The following TMEM132D variants were observed in gnomAD, a reference collection of about 807,000 sequenced individuals.
TMEM132D encodes the protein mature OL transmembrane protein.
Under a neutral mutation model 62.3 loss-of-function variants are expected in TMEM132D, and 21 were observed. The observed-to-expected ratio is 0.34, with a 90% CI of 0.24 to 0.49. TMEM132D has a LOEUF of 0.49. Among genes scored for constraint, TMEM132D ranks in the 20% least tolerant of loss-of-function variants. TMEM132D has a pLI of 0.99. For synonymous variants in TMEM132D, 621 were observed against 575.6 expected (o/e 1.08, Z -1.13); for missense variants, 1,346 against 1,402.8 (o/e 0.96, Z 0.65).
chr12:129,421,337 A>T (rs1313162490), intron 3 of TMEM132D, among the ~76,000 whole-genome samples: 1 of 152,210 alleles, frequency 6.6e-6, no homozygotes, highest in Non-Finnish European at 1.5e-5. Context: ...CCATTAAAAT[A>T]ACCAAAGGTT....
At chr12:129,200,654 C>A (rs757417651) in intron 5 of TMEM132D, among the ~76,000 whole-genome samples, 7 of 152,154 alleles carry the variant, frequency 4.6e-5, no homozygotes, top group Admixed American at 3.9e-4. Context: ...GGGGGCTGTC[C>A]CTGTGGCTGC....
At position 129,372,473 on chromosome 12, in the gene TMEM132D, A is replaced by G. The variant is rs115550941; in HGVS notation, c.1116-34656T>C. Among the ~76,000 whole-genome samples the G allele has an allele frequency of 7.3e-4, 111 of 152,296 alleles. 1 individual carries two copies. Among genetic ancestry groups the G allele is most frequent in the African/African-American group, 2.6e-3 (110 of 41,566 alleles). Reference sequence around the variant, plus strand: ...GATCAGCAGTGGCATTAGAGGCCACATGGTAGGAGGTGAGTAGTGGGCTAG... The same window carrying G: ...GATCAGCAGTGGCATTAGAGGCCACGTGGTAGGAGGTGAGTAGTGGGCTAG... On this transcript the variant is annotated intron_variant, in intron 3 of 8. Transcript: ENST00000422113.
chr12:129,792,922 A>G (rs1871443214), intron 1 of TMEM132D, among the ~76,000 whole-genome samples: 1 of 152,138 alleles, frequency 6.6e-6, no homozygotes, highest in Admixed American at 6.5e-5. Context: ...TAATCCTACT[A>G]CCAGGAGGGA....
intron 2 of TMEM132D, among the ~76,000 whole-genome samples, chr12:129,645,712 G>A (rs574024447): frequency 6.6e-6 from 1 of 152,274 alleles, no homozygotes; most frequent in African/African-American, 2.4e-5. Context: ...AGACCCCATT[G>A]ATAAAAGAGG....
At chr12:129,739,143 C>T (rs934241758) in intron 1 of TMEM132D, among the ~76,000 whole-genome samples, 4 of 152,144 alleles carry the variant, frequency 2.6e-5, no homozygotes, top group African/African-American at 7.2e-5. Context: ...CACTCTTAGG[C>T]GGTATAGTGA....
chr12:129,780,019 A>G (rs1565982923), intron 1 of TMEM132D, among the ~76,000 whole-genome samples: 1 of 151,264 alleles, frequency 6.6e-6, no homozygotes, highest in Non-Finnish European at 1.5e-5. Context: ...CCCAGGTTTC[A>G]CAGTTAGGAG....
chr12:129,077,494 C>G (rs571384231), intron 8 of TMEM132D, among the ~76,000 whole-genome samples: 84 of 152,060 alleles, frequency 5.5e-4, no homozygotes, highest in Middle Eastern at 3.4e-3. Flanking sequence ...ATTCAAAGGT[C>G]CCCTATAACA....
chr12:129,202,700 A>C (rs935499511), intron 5 of TMEM132D, among the ~76,000 whole-genome samples: 2 of 151,984 alleles, frequency 1.3e-5, no homozygotes, highest in East Asian at 1.9e-4. Flanking sequence ...ACTCCTGGAG[A>C]CTGGAGATGT....
chr12:129,185,769 G>GTCTATCTA (rs1271637169), intron 5 of TMEM132D, among the ~76,000 whole-genome samples: 4 of 103,166 alleles, frequency 3.9e-5, no homozygotes, highest in Admixed American at 1.0e-4. Context: ...TCATCTGTCT[G>GTCTATCTA]TCTGTCTATC....
chr12:129,901,115 A>G (rs930625104), intron 1 of TMEM132D, among the ~76,000 whole-genome samples: 1 of 152,204 alleles, frequency 6.6e-6, no homozygotes, highest in Non-Finnish European at 1.5e-5. Context: ...TTAATACTTG[A>G]TAATATTCTT....
At chr12:129,748,800 T>C (rs1317252071) in intron 1 of TMEM132D, among the ~76,000 whole-genome samples, 1 of 152,206 alleles carries the variant, frequency 6.6e-6, no homozygotes, top group Non-Finnish European at 1.5e-5. Flanking sequence ...AATAGGTGTT[T>C]ATCCAAGAAA....
intron 1 of TMEM132D, among the ~76,000 whole-genome samples, chr12:129,740,375 T>C (rs1025577365): frequency 2.0e-5 from 3 of 152,216 alleles, no homozygotes; most frequent in Non-Finnish European, 4.4e-5. Flanking sequence ...TAGTAGTTAT[T>C]ATGGCCCAGG....
chr12:129,462,662 C>T (rs1278114115), intron 3 of TMEM132D, among the ~76,000 whole-genome samples: 3 of 151,948 alleles, frequency 2.0e-5, no homozygotes, highest in African/African-American at 7.3e-5. Flanking sequence ...CTAAATATTC[C>T]TCTTTGTTAT....
At chr12:129,272,570 GTGT>G (rs961266939) in intron 4 of TMEM132D, among the ~76,000 whole-genome samples, 2 of 151,778 alleles carry the variant, frequency 1.3e-5, no homozygotes, top group African/African-American at 4.9e-5. Context: ...TTTTTTATAT[GTGT>G]TGGCTGCACG....
intron 4 of TMEM132D, among the ~76,000 whole-genome samples, chr12:129,285,526 C>CAAAA (rs1555244565): frequency 9.8e-5 from 4 of 40,960 alleles, no homozygotes; most frequent in Non-Finnish European, 9.2e-5. Flanking sequence ...GACTGTGTCT[C>CAAAA]AAAAAAAAAA....
At chr12:129,373,876 C>T (rs560002076) in intron 3 of TMEM132D, among the ~76,000 whole-genome samples, 3 of 152,212 alleles carry the variant, frequency 2.0e-5, no homozygotes, top group African/African-American at 7.2e-5. Context: ...GATTATCATT[C>T]GATTTCCCAT....
intron 3 of TMEM132D, among the ~76,000 whole-genome samples, chr12:129,473,836 T>C (rs1874178410): frequency 6.6e-6 from 1 of 152,216 alleles, no homozygotes; most frequent in South Asian, 2.1e-4. Flanking sequence ...GATCTTTATT[T>C]ATTCACATGC....
intron 1 of TMEM132D, among the ~76,000 whole-genome samples, chr12:129,814,155 G>C (rs1266001229): frequency 7.9e-5 from 12 of 152,100 alleles, no homozygotes; most frequent in Admixed American, 7.9e-4. Flanking sequence ...TAAAAGAGTG[G>C]ATGTCACGGA....
intron 4 of TMEM132D, among the ~76,000 whole-genome samples, chr12:129,325,226 C>T (rs1400679788): frequency 6.6e-6 from 1 of 152,184 alleles, no homozygotes; most frequent in Non-Finnish European, 1.5e-5. Context: ...AACACAACTA[C>T]CCCTATTCCC....
Sources: allele counts gnomAD v4.1 joint callset (sites outside exome capture counted in the v4.1 genomes callset), GRCh38; gene constraint gnomAD v4.1.1; transcripts MANE v1.5; gene names NCBI Gene and HGNC (gene_info 2026-07-23, HGNC 2026-07-21).